Variants in ACSM3 observed in about 807,000 individuals in gnomAD.
The protein encoded by ACSM3 is acyl-coenzyme A synthetase ACSM3, mitochondrial.
A neutral mutation model predicts 74.1 loss-of-function variants in ACSM3; 61 were observed. That is an observed-to-expected ratio of 0.82 (90% confidence interval 0.67 to 1.02). The LOEUF is 1.02. Among genes scored for constraint, ACSM3 ranks in the 50% least tolerant of loss-of-function variants. The pLI is 0.00. For synonymous variants in ACSM3, 213 were observed against 241.5 expected (o/e 0.88, Z 1.09); for missense variants, 660 against 697.0 (o/e 0.95, Z 0.60).
At chr16:20,692,142 G>A (rs1327390310) in intron 1 of ACSM3, among the ~76,000 whole-genome samples, 1 of 152,162 alleles carries the variant, frequency 6.6e-6, no homozygotes, top group Non-Finnish European at 1.5e-5. Context: ...AGCAGATGCT[G>A]CTGTTGACAA....
intron 1 of ACSM3, among the ~76,000 whole-genome samples, chr16:20,765,751 G>A (rs1298528209): frequency 6.6e-6 from 1 of 152,162 alleles, no homozygotes; most frequent in Non-Finnish European, 1.5e-5. Flanking sequence ...AAATATGTGT[G>A]TCTGTTTGTG....
intron 1 of ACSM3, among the ~76,000 whole-genome samples, chr16:20,686,245 G>A (rs901036662): frequency 2.0e-5 from 3 of 151,982 alleles, no homozygotes; most frequent in African/African-American, 7.3e-5. Flanking sequence ...TTAGAGGTGA[G>A]GGCAGTAACA....
At chr16:20,765,602 C>A (rs898129832) in intron 1 of ACSM3, among the ~76,000 whole-genome samples, 10 of 152,070 alleles carry the variant, frequency 6.6e-5, no homozygotes, top group African/African-American at 2.4e-4. Context: ...TAATGTCTTC[C>A]TTAATAGTCT....
At chr16:20,755,420 G>A (rs1367472824) in intron 2 of ACSM3, among the ~76,000 whole-genome samples, 2 of 151,652 alleles carry the variant, frequency 1.3e-5, no homozygotes, top group African/African-American at 4.8e-5. Flanking sequence ...AGGTATGCTT[G>A]AAATAAATGA....
At chr16:20,738,698 T>A in intron 1 of ACSM3, 1 of 589,394 alleles carries the variant, frequency 1.7e-6, no homozygotes. Flanking sequence ...CAAAGCCAGG[T>A]TTCCACTCAT....
intron 1 of ACSM3, among the ~76,000 whole-genome samples, chr16:20,676,631 T>C (rs1312308239): frequency 6.6e-6 from 1 of 152,130 alleles, no homozygotes; most frequent in Admixed American, 6.6e-5. Flanking sequence ...GATCAGAGGC[T>C]TAACAAAGGC....
At chr16:20,726,046 C>A (rs150404580) in intron 1 of ACSM3, among the ~76,000 whole-genome samples, 1 of 152,082 alleles carries the variant, frequency 6.6e-6, no homozygotes, top group African/African-American at 2.4e-5. Context: ...CTACAAACCA[C>A]CGGAATATCC....
intron 1 of ACSM3, among the ~76,000 whole-genome samples, chr16:20,718,035 G>GA (rs1237276535): frequency 4.0e-5 from 6 of 150,854 alleles, no homozygotes; most frequent in African/African-American, 1.2e-4. Context: ...AGAAAAGAAA[G>GA]AAGAAGAAGA....
intron 1 of ACSM3, among the ~76,000 whole-genome samples, chr16:20,732,603 T>C (rs961906465): frequency 6.6e-6 from 1 of 152,152 alleles, no homozygotes; most frequent in Non-Finnish European, 1.5e-5. Context: ...GTCTCCACTT[T>C]CTAGAACAGT....
chr16:20,794,556 T>C (rs1367198281), intron 12 of ACSM3, among the ~76,000 whole-genome samples: 1 of 152,236 alleles, frequency 6.6e-6, no homozygotes, highest in Non-Finnish European at 1.5e-5. Flanking sequence ...GGCACAGCCA[T>C]AGACTTTTCT....
At chr16:20,730,324 G>C (rs750935838) in intron 1 of ACSM3, among the ~76,000 whole-genome samples, 1 of 152,218 alleles carries the variant, frequency 6.6e-6, no homozygotes, top group East Asian at 1.9e-4. Context: ...AAACAAGGCA[G>C]ATAGAAAATT....
chr16:20,678,491 A>G (rs2079361044), intron 1 of ACSM3, among the ~76,000 whole-genome samples: 1 of 152,210 alleles, frequency 6.6e-6, no homozygotes, highest in Non-Finnish European at 1.5e-5. Context: ...TATGAACTTC[A>G]CCGAATTACC....
At chr16:20,707,402 G>T (rs2079731026) in intron 1 of ACSM3, among the ~76,000 whole-genome samples, 2 of 152,186 alleles carry the variant, frequency 1.3e-5, no homozygotes, top group African/African-American at 2.4e-5. Flanking sequence ...CCTGCCCAAG[G>T]TCTCACCCAG....
chr16:20,740,420 G>A (rs1346747197), intron 1 of ACSM3, among the ~76,000 whole-genome samples: 1 of 152,240 alleles, frequency 6.6e-6, no homozygotes. Context: ...TTTGCTTAAA[G>A]TACAGGAGTA....
chr16:20,742,125 A>G, intron 1 of ACSM3: 1 of 1,133,288 alleles, frequency 8.8e-7, no homozygotes, highest in South Asian at 1.6e-5. Context: ...GTGGAGGAAA[A>G]GTTAAATATT....
At chr16:20,747,453 A>T (rs2152430159) in intron 1 of ACSM3, among the ~76,000 whole-genome samples, 1 of 151,760 alleles carries the variant, frequency 6.6e-6, no homozygotes, top group Middle Eastern at 3.4e-3. Flanking sequence ...AAACTGGCCA[A>T]CCCCCTTTCA....
chr16:20,747,876 C>T (rs2079964423), intron 1 of ACSM3, among the ~76,000 whole-genome samples: 1 of 152,200 alleles, frequency 6.6e-6, no homozygotes, highest in South Asian at 2.1e-4. Flanking sequence ...CATGATGGCT[C>T]ACGCCTGTAA....
At chr16:20,730,547 C>G (rs192388403) in intron 1 of ACSM3, among the ~76,000 whole-genome samples, 5 of 152,270 alleles carry the variant, frequency 3.3e-5, no homozygotes, top group Non-Finnish European at 5.9e-5. Flanking sequence ...TCTCACACAC[C>G]AGTGAGCCTC....
chr16:20,754,801 G>A (rs1264092353), intron 2 of ACSM3, among the ~76,000 whole-genome samples: 1 of 152,172 alleles, frequency 6.6e-6, no homozygotes, highest in Non-Finnish European at 1.5e-5. Context: ...AGAATTATCT[G>A]GAGTTTTGCA....
Sources: allele counts gnomAD v4.1 joint callset (sites outside exome capture counted in the v4.1 genomes callset), GRCh38; gene constraint gnomAD v4.1.1; transcripts MANE v1.5; gene names NCBI Gene and HGNC (gene_info 2026-07-23, HGNC 2026-07-21).